The following GOLM1 variants were observed in gnomAD, a reference collection of about 807,000 sequenced individuals.
GOLM1 encodes the protein golgi membrane protein 1.
In GOLM1, 31 loss-of-function variants were observed where a neutral mutation model predicts 50.5. The observed-to-expected ratio is 0.61, with a 90% CI of 0.46 to 0.83. The LOEUF (loss-of-function observed/expected upper bound fraction) is 0.83, where lower values mean the gene tolerates loss of function less well. Ranked by LOEUF, GOLM1 falls within the 40% of genes least tolerant of loss-of-function variation. The pLI, the probability that GOLM1 is intolerant of heterozygous loss-of-function variation, is 0.00. For missense variants in GOLM1, 491 were observed against 501.3 expected (o/e 0.98, Z 0.20); for synonymous variants, 178 against 192.8 (o/e 0.92, Z 0.64).
intron 3 of GOLM1, among the ~76,000 whole-genome samples, chr9:86,060,147 CA>C (rs915315892): frequency 2.0e-4 from 31 of 152,046 alleles, no homozygotes; most frequent in African/African-American, 6.8e-4. Context: ...AGAAATTTGG[CA>C]TTTTCACACT....
At chr9:86,079,081 T>C in intron 2 of GOLM1, 111 bp downstream of exon 2, 1 of 986,522 alleles carries the variant, frequency 1.0e-6, no homozygotes, top group Non-Finnish European at 1.5e-6. Context: ...GCGTGTGCCC[T>C]GCACAAAACG....
chr9:86,034,962 A>T, intron 8 of GOLM1: 18 of 704,038 alleles, frequency 2.6e-5, no homozygotes, highest in Middle Eastern at 7.2e-4. Flanking sequence ...TCTACCCAAT[A>T]TTCCTTCCTT....
chr9:86,079,363 A>G, intron 1 of GOLM1, 22 bp from the exon 2 acceptor site: 1 of 1,539,568 alleles, frequency 6.5e-7, no homozygotes, highest in Non-Finnish European at 8.8e-7. Flanking sequence ...AAGCAAATAA[A>G]TAAACATCAA....
intron 6 of GOLM1, among the ~76,000 whole-genome samples, chr9:86,040,068 T>A (rs544895427): frequency 4.2e-4 from 64 of 152,056 alleles, no homozygotes; most frequent in Admixed American, 4.1e-3. Flanking sequence ...CAAAGTACAT[T>A]AGCAGTTGGC....
rs1417302151 is a variant in GOLM1 at position 86,036,345 on chromosome 9, TAC to T, written c.757+1_757+2del. The T allele has an allele frequency of 6.2e-7, 1 of 1,614,170 alleles. No individual in the cohort carries two copies. The highest frequency in any genetic ancestry group is 8.5e-7 in the Non-Finnish European group (1 of 1,180,000). On this transcript the variant is annotated splice_donor_variant, in intron 7 of 9. Transcript: ENST00000388712. LOFTEE classifies it high-confidence loss of function. The stretch of plus-strand genomic sequence containing the variant: ...AACAGGGCAACTGCTGGGCTCTGCT[TAC>T]CTTTCTCAACTTGTCTCTTTGAATC...
intron 2 of GOLM1, 46 bp from the exon 3 acceptor site, chr9:86,077,637 G>T: frequency 6.9e-7 from 1 of 1,454,094 alleles, no homozygotes. Flanking sequence ...GTTACCTGAG[G>T]AGCCTGGACC....
At chr9:86,041,564 C>G (rs540651854) in intron 5 of GOLM1, among the ~76,000 whole-genome samples, 1 of 152,206 alleles carries the variant, frequency 6.6e-6, no homozygotes, top group African/African-American at 2.4e-5. Context: ...TGTCTCCCCC[C>G]GGCGCCTGCC....
At chr9:86,065,332 C>T (rs916964103) in intron 3 of GOLM1, among the ~76,000 whole-genome samples, 5 of 152,156 alleles carry the variant, frequency 3.3e-5, no homozygotes, top group South Asian at 2.1e-4. Flanking sequence ...AAATACTGAA[C>T]GGACTGACAG....
intron 3 of GOLM1, among the ~76,000 whole-genome samples, chr9:86,070,057 G>A (rs1431751813): frequency 6.6e-6 from 1 of 151,796 alleles, no homozygotes; most frequent in Non-Finnish European, 1.5e-5. Flanking sequence ...ATAATTTTTT[G>A]TATTTTTGGT....
At chr9:86,087,074 C>T (rs1009633960) in intron 1 of GOLM1, among the ~76,000 whole-genome samples, 3 of 152,166 alleles carry the variant, frequency 2.0e-5, no homozygotes, top group Admixed American at 6.5e-5. Context: ...TTGATTCTTC[C>T]GATCCATGAG....
At chr9:86,031,038 C>T (rs547694631) in intron 9 of GOLM1, among the ~76,000 whole-genome samples, 201 of 152,272 alleles carry the variant, frequency 1.3e-3, no homozygotes, top group African/African-American at 4.4e-3. Flanking sequence ...GGTGAAACCC[C>T]GTCTCTAATA....
intron 1 of GOLM1, among the ~76,000 whole-genome samples, chr9:86,098,375 G>C (rs1835415727): frequency 6.6e-6 from 1 of 152,170 alleles, no homozygotes; most frequent in African/African-American, 2.4e-5. Flanking sequence ...TACTAAAACT[G>C]AGATTTGAGC....
intron 4 of GOLM1, among the ~76,000 whole-genome samples, chr9:86,052,238 T>C (rs1833777401): frequency 6.6e-6 from 1 of 152,224 alleles, no homozygotes; most frequent in African/African-American, 2.4e-5. Context: ...ATGTATACCA[T>C]ATGTATATAT....
chr9:86,046,956 G>A (rs72746690), intron 4 of GOLM1, among the ~76,000 whole-genome samples: 5 of 141,736 alleles, frequency 3.5e-5, no homozygotes, highest in South Asian at 2.5e-4. Flanking sequence ...ATCCCTGGCC[G>A]ACTCATCCTT....
chr9:86,033,281 C>G lies in GOLM1; in HGVS notation c.1129+1G>C, dbSNP rs1194664351. ...GTCACCGATGTAGGCCCCATTCTTA[C>G]CATCTATGTTTCTGTCATTCCCTGC... On this transcript the variant is annotated splice_donor_variant, in intron 9 of 9. Transcript: ENST00000388712. LOFTEE classifies it high-confidence loss of function. 1.3e-5 allele frequency: 20 copies of G among 1,545,546 alleles called. No homozygotes were observed. The highest frequency in any genetic ancestry group is 1.7e-5 in the Non-Finnish European group (19 of 1,117,170).
rs779202877 is a variant in GOLM1 at position 86,035,396 on chromosome 9, C to T, written c.987G>A (p.Gln329=). The T allele has an allele frequency of 1.4e-5, 23 of 1,613,922 alleles. No individual in the cohort carries two copies. Among genetic ancestry groups the T allele is most frequent in the Admixed American group, 5.0e-5 (3 of 60,000 alleles). ...ERDQLVIPDG[Q]EEEQEAAGEG... Reference sequence around the variant, plus strand: ...CCCCGGCAGCTTCCTGCTCCTCCTCCTGTCCGTCGGGGATGACAAGCTGGT... The same window carrying T: ...CCCCGGCAGCTTCCTGCTCCTCCTCTTGTCCGTCGGGGATGACAAGCTGGT... The change falls in exon 8 of 10, where the codon CAG becomes CAA. Residue 329 remains glutamine, a synonymous_variant. Coordinates refer to ENST00000388712, the MANE Select transcript of GOLM1 (RefSeq NM_016548.4).
chr9:86,089,058 G>C (rs1007630037), intron 1 of GOLM1, among the ~76,000 whole-genome samples: 1 of 151,880 alleles, frequency 6.6e-6, no homozygotes, highest in African/African-American at 2.4e-5. Context: ...CGGGTTGAAA[G>C]TTCTTTTAAG....
chr9:86,066,105 C>T (rs1834299947), intron 3 of GOLM1, among the ~76,000 whole-genome samples: 1 of 152,126 alleles, frequency 6.6e-6, no homozygotes, highest in Admixed American at 6.5e-5. Context: ...GACCAATGAC[C>T]AGACTTGTTA....
At position 86,041,297 on chromosome 9, in the gene GOLM1, G is replaced by A. The variant is rs903089115; in HGVS notation, c.468-429C>T. On this transcript the variant is annotated intron_variant, in intron 5 of 9. Coordinates refer to ENST00000388712, the MANE Select transcript of GOLM1 (RefSeq NM_016548.4). Reference sequence around the variant, plus strand: ...GTCTTGGAGGTGGGGAAGGATGGGCGTCAGATAGTTTCAGGACAGAGGCTG... The same window carrying A: ...GTCTTGGAGGTGGGGAAGGATGGGCATCAGATAGTTTCAGGACAGAGGCTG... Among the ~76,000 whole-genome samples, 4 of 152,256 alleles carry A rather than the reference G, an allele frequency of 2.6e-5. No individual in the cohort carries two copies. The East Asian group carries it at 5.8e-4, about 22-fold the overall frequency.
Sources: allele counts gnomAD v4.1 joint callset (sites outside exome capture counted in the v4.1 genomes callset), GRCh38; gene constraint gnomAD v4.1.1; transcripts MANE v1.5; gene names NCBI Gene and HGNC (gene_info 2026-07-23, HGNC 2026-07-21).